Variants in HS1BP3 observed in about 807,000 individuals in gnomAD.
HS1BP3 encodes HCLS1 binding protein 3.
HS1BP3 carries 32 observed loss-of-function variants against 33.5 expected under a neutral mutation model. The observed-to-expected ratio is 0.95, with a 90% CI of 0.72 to 1.28. HS1BP3 has a LOEUF of 1.28. Ranked by LOEUF, HS1BP3 falls within the 50% of genes most tolerant of loss-of-function variation. The pLI, the probability that HS1BP3 is intolerant of heterozygous loss-of-function variation, is 0.00. For missense variants in HS1BP3, 486 were observed against 502.3 expected (o/e 0.97, Z 0.31); for synonymous variants, 187 against 209.2 (o/e 0.89, Z 0.92).
intron 1 of HS1BP3, among the ~76,000 whole-genome samples, chr2:20,648,310 C>T (rs560833780): frequency 6.6e-6 from 1 of 152,294 alleles, no homozygotes. Flanking sequence ...GGTTCCTCTC[C>T]TCCTGTTTGA....
intron 2 of HS1BP3, among the ~76,000 whole-genome samples, chr2:20,608,072 A>G (rs1558332390): frequency 6.6e-6 from 1 of 152,150 alleles, no homozygotes; most frequent in Non-Finnish European, 1.5e-5. Flanking sequence ...AATATAACTA[A>G]TTTTGTGTTA....
intron 1 of HS1BP3, among the ~76,000 whole-genome samples, chr2:20,648,126 C>T (rs1299262665): frequency 6.6e-6 from 1 of 152,186 alleles, no homozygotes; most frequent in Non-Finnish European, 1.5e-5. Context: ...TGCAGCTCAC[C>T]CCTCTTTTTC....
At chr2:20,635,693 A>G (rs1695101964) in intron 4 of HS1BP3, 1 of 152,176 alleles carries the variant, frequency 6.6e-6, no homozygotes, top group African/African-American at 2.4e-5. Flanking sequence ...AGGGTGGAAA[A>G]GCAGAGTACG....
chr2:20,650,897 CG>C (rs1344907736), intron 1 of HS1BP3, 134 bp downstream of exon 1: 2 of 756,326 alleles, frequency 2.6e-6, no homozygotes, highest in South Asian at 1.3e-4. Context: ...GGGCCCAGCC[CG>C]GATAAGCCAC....
At chr2:20,633,989 T>C (rs1695043818) in intron 4 of HS1BP3, among the ~76,000 whole-genome samples, 1 of 152,214 alleles carries the variant, frequency 6.6e-6, no homozygotes, top group African/African-American at 2.4e-5. Flanking sequence ...CAGGGCTAAG[T>C]GCTGCACAGG....
intron 5 of HS1BP3, among the ~76,000 whole-genome samples, chr2:20,564,548 A>G (rs2149270346): frequency 6.6e-6 from 1 of 152,054 alleles, no homozygotes; most frequent in African/African-American, 2.4e-5. Context: ...CAGTGGTATG[A>G]TCTTGGCTGA....
chr2:20,579,065 T>G (rs1206962275), intron 5 of HS1BP3, among the ~76,000 whole-genome samples: 2 of 152,316 alleles, frequency 1.3e-5, no homozygotes, highest in East Asian at 3.9e-4. Context: ...CGGTCTCAGG[T>G]CAGTCCTCCC....
chr2:20,587,491 G>A (rs1693710089), intron 5 of HS1BP3, among the ~76,000 whole-genome samples: 1 of 152,194 alleles, frequency 6.6e-6, no homozygotes, highest in African/African-American at 2.4e-5. Context: ...CTGGGAACCT[G>A]GGAAGAGCCT....
intron 2 of HS1BP3, among the ~76,000 whole-genome samples, chr2:20,599,874 C>G (rs1694032174): frequency 6.6e-6 from 1 of 152,142 alleles, no homozygotes; most frequent in African/African-American, 2.4e-5. Context: ...AAGGTTCATT[C>G]AGCCCTGCCA....
intron 2 of HS1BP3, chr2:20,606,526 C>G (rs964223072): frequency 1.7e-5 from 8 of 473,652 alleles, no homozygotes; most frequent in Non-Finnish European, 2.5e-5. Flanking sequence ...AGTTATTGGG[C>G]TTGTCCCGAA....
chr2:20,572,828 C>T (rs1416198914), intron 5 of HS1BP3, among the ~76,000 whole-genome samples: 1 of 152,098 alleles, frequency 6.6e-6, no homozygotes, highest in Non-Finnish European at 1.5e-5. Context: ...CACAGGTGGC[C>T]CCTGCTCCAG....
chr2:20,614,886 C>A (rs1433105873), downstream of HS1BP3, among the ~76,000 whole-genome samples: 1 of 152,230 alleles, frequency 6.6e-6, no homozygotes. Flanking sequence ...TTGGCTCTTC[C>A]CAGTAGCCAG....
intron 5 of HS1BP3, among the ~76,000 whole-genome samples, chr2:20,573,160 G>C (rs953328251): frequency 1.3e-5 from 2 of 152,166 alleles, no homozygotes; most frequent in African/African-American, 2.4e-5. Context: ...AGTCTTTGCT[G>C]ATATAATTAA....
rs531421195 is a variant in HS1BP3 at position 20,576,284 on chromosome 2, G to T, written c.303-15769C>A. Among the ~76,000 whole-genome samples, 8 of 152,250 alleles carry T rather than the reference G, an allele frequency of 5.3e-5. No individual in the cohort carries two copies. The South Asian group carries it at 1.5e-3, about 28-fold the overall frequency. ...GGTGTGAGCCATTGCACCCGGCTAT[G>T]TGAGGTTTCTTTCTGCTCAATCTTT... On this transcript the variant is annotated intron_variant, in intron 5 of 5. Coordinates refer to the HS1BP3 transcript ENST00000446825.
chr2:20,623,736 C>T lies in HS1BP3; in HGVS notation c.920+160G>A, dbSNP rs746126311. Reference sequence around the variant, plus strand: ...GATCCTCCCCCTCAGCCCCCTTCACCGCCTCTCACCCAATGTGCACCCACA... The same window carrying T: ...GATCCTCCCCCTCAGCCCCCTTCACTGCCTCTCACCCAATGTGCACCCACA... On this transcript the variant is annotated intron_variant, in intron 6 of 6. Transcript: ENST00000304031. The T allele has an allele frequency of 1.2e-5, 9 of 766,908 alleles. No homozygotes were observed. In the East Asian group the frequency reaches 1.2e-4, roughly 10 times the overall value. The allele number at this position is 766,908 out of a possible 1,614,324, so 47.5% of individuals were successfully genotyped here.
At chr2:20,584,489 C>T (rs530113482) in intron 5 of HS1BP3, among the ~76,000 whole-genome samples, 1 of 152,360 alleles carries the variant, frequency 6.6e-6, no homozygotes, top group South Asian at 2.1e-4. Flanking sequence ...CCCTGCACCA[C>T]CATCCCCCGC....
chr2:20,585,696 C>T (rs1326932438), intron 5 of HS1BP3, among the ~76,000 whole-genome samples: 2 of 152,228 alleles, frequency 1.3e-5, no homozygotes, highest in African/African-American at 4.8e-5. Context: ...TAACCATTAA[C>T]GTCCTGCAGT....
At chr2:20,589,791 C>G (rs959201045), downstream of HS1BP3, among the ~76,000 whole-genome samples, 1 of 152,044 alleles carries the variant, frequency 6.6e-6, no homozygotes, top group Non-Finnish European at 1.5e-5. Context: ...CTATAGGACC[C>G]AGACTCCTCA....
intron 2 of HS1BP3, among the ~76,000 whole-genome samples, chr2:20,642,571 G>A (rs955060637): frequency 2.0e-5 from 3 of 152,150 alleles, no homozygotes; most frequent in South Asian, 4.2e-4. Flanking sequence ...GGGGCCGGGC[G>A]CCCCCTGCTG....
Sources: allele counts gnomAD v4.1 joint callset (sites outside exome capture counted in the v4.1 genomes callset), GRCh38; gene constraint gnomAD v4.1.1; transcripts MANE v1.5; gene names NCBI Gene and HGNC (gene_info 2026-07-23, HGNC 2026-07-21).